Variants in VPS13C observed in about 807,000 individuals in gnomAD.
The protein encoded by VPS13C is vacuolar protein sorting 13 homolog C, also known as intermembrane lipid transfer protein VPS13C.
A neutral mutation model predicts 456.8 loss-of-function variants in VPS13C; 358 were observed. The ratio of observed to expected loss-of-function variants is 0.78; its 90% CI spans 0.72 to 0.86. The LOEUF (loss-of-function observed/expected upper bound fraction) is 0.86. Among genes scored for constraint, VPS13C ranks in the 40% least tolerant of loss-of-function variants. The pLI is 0.00. For synonymous variants in VPS13C, 1,578 were observed against 1,486.7 expected (o/e 1.06, Z -1.41); for missense variants, 4,818 against 4,385.4 (o/e 1.10, Z -2.79).
At chr15:61,893,963 C>CAATATGTGAA (rs1176625308) in intron 66 of VPS13C, among the ~76,000 whole-genome samples, 8 of 151,976 alleles carry the variant, frequency 5.3e-5, no homozygotes, top group Admixed American at 5.2e-4. Flanking sequence ...AACCACTTAA[C>CAATATGTGAA]CACTAAGGAA....
intron 37 of VPS13C, among the ~76,000 whole-genome samples, chr15:61,957,653 T>C (rs1314205509): frequency 6.6e-6 from 1 of 152,154 alleles, no homozygotes; most frequent in African/African-American, 2.4e-5. Context: ...AATTAGTCTA[T>C]CGAAATTATT....
chr15:62,008,757 A>G lies in VPS13C; in HGVS notation c.1016T>C (p.Leu339Ser). The change falls in exon 14 of 85, where the codon TTA (leucine) becomes TCA (serine). Residue 339 changes from leucine to serine, a missense_variant. Leu to Ser is a moderately radical substitution (Grantham distance 145). Around this residue, in one of 3 missense-constraint regions of VPS13C, gnomAD observed 4,552 missense variants for 4,130.6 expected, o/e 1.10. Transcript: ENST00000644861. ...TGACTCCAAAAGGTCAATCATACTTAAGTACTGTTAAAACAAAAATAAAAT... is the reference window on the plus strand; with the variant it reads ...TGACTCCAAAAGGTCAATCATACTTGAGTACTGTTAAAACAAAAATAAAAT... ...IAIELTKPQYLSMIDLLESVD... is the reference protein window; with the variant it reads ...IAIELTKPQYSSMIDLLESVD... 1 of 1,561,994 alleles carries G rather than the reference A, an allele frequency of 6.4e-7. No homozygotes were observed. Among genetic ancestry groups the G allele is most frequent in the Non-Finnish European group, 8.7e-7 (1 of 1,150,662 alleles).
At position 62,023,516 on chromosome 15, in the gene VPS13C, C is replaced by T. The variant is rs2047534715; in HGVS notation, c.519G>A (p.Lys173=). Residue 173 remains lysine (K), a synonymous_variant, in exon 8 of 85, where the codon AAG becomes AAA. Coordinates refer to ENST00000644861, the MANE Select transcript of VPS13C (RefSeq NM_020821.3). ...PFKGLDRSKD[K]PKEAKKDTFV... ...ATGTATCCTTTTTGGCTTCTTTTGGCTTATCTATTAAAAAATAGAAAAATA... is the reference window on the plus strand; with the variant it reads ...ATGTATCCTTTTTGGCTTCTTTTGGTTTATCTATTAAAAAATAGAAAAATA... The T allele has an allele frequency of 6.4e-7, 1 of 1,561,798 alleles. No individual in the cohort carries two copies. The highest frequency in any genetic ancestry group is 8.6e-7 in the Non-Finnish European group (1 of 1,160,216).
chr15:62,036,671 G>C (rs2048010360), intron 3 of VPS13C, among the ~76,000 whole-genome samples: 1 of 151,962 alleles, frequency 6.6e-6, no homozygotes, highest in Admixed American at 6.6e-5. Context: ...GACAGAAAAA[G>C]TGGGAAACGT....
chr15:62,057,761 G>GA (rs1315461609), intron 1 of VPS13C, among the ~76,000 whole-genome samples: 4 of 152,158 alleles, frequency 2.6e-5, no homozygotes, highest in African/African-American at 7.2e-5. Flanking sequence ...GACAAAAGGG[G>GA]AAATAACATA....
rs1400266755 is a variant in VPS13C, at chr15:61,945,806, T to C, written c.5057A>G (p.Tyr1686Cys). 4 of 1,613,518 alleles carry C rather than the reference T, an allele frequency of 2.5e-6. No individual in the cohort carries two copies. The African/African-American group carries it at 5.3e-5, about 22-fold the overall frequency. The part of the protein sequence containing the change: ...LYPDATEGEA[Y>C]ADMSKVDGKL... ...GCCGTCTACTTTGGACATATCAGCA[T>C]AGGCCTCTCCTTCTGTGGCATCTGG... Residue 1686 changes from tyrosine (Y) to cysteine (C), a missense_variant, in exon 45 of 85, where the codon TAT (tyrosine) becomes TGT (cysteine). Around this residue, in one of 3 missense-constraint regions of VPS13C, gnomAD observed 4,552 missense variants for 4,130.6 expected, o/e 1.10. Coordinates refer to ENST00000644861, the MANE Select transcript of VPS13C (RefSeq NM_020821.3).
At chr15:62,051,884 A>C (rs2048631588) in intron 1 of VPS13C, among the ~76,000 whole-genome samples, 1 of 152,210 alleles carries the variant, frequency 6.6e-6, no homozygotes, top group South Asian at 2.1e-4. Flanking sequence ...TTTTTCCTCA[A>C]AAGACAGAAA....
chr15:62,007,104 T>C (rs2046876998), intron 15 of VPS13C, among the ~76,000 whole-genome samples: 2 of 152,038 alleles, frequency 1.3e-5, no homozygotes, highest in South Asian at 2.1e-4. Flanking sequence ...CCTTATTTTA[T>C]CTGATATTTG....
rs746928788 is a variant in VPS13C at position 61,942,076 on chromosome 15, A to G, written c.5149-9T>C. The G allele has an allele frequency of 5.8e-6, 9 of 1,553,628 alleles. No homozygotes were observed. Among genetic ancestry groups the G allele is most frequent in the Non-Finnish European group, 7.0e-6 (8 of 1,147,796 alleles). On this transcript the variant is annotated splice_polypyrimidine_tract_variant and intron_variant, in intron 45 of 84. Transcript: ENST00000644861. ...AAATTGTTGAGGAAGTTCTGTTGGAAGAGACAGATATTTAGGGGAAAAAAG... is the reference window on the plus strand; with the variant it reads ...AAATTGTTGAGGAAGTTCTGTTGGAGGAGACAGATATTTAGGGGAAAAAAG...
In VPS13C at chr15:61,972,773, A is replaced by T; in HGVS notation, c.2618-9T>A. On this transcript the variant is annotated splice_polypyrimidine_tract_variant and intron_variant, in intron 26 of 84. Transcript: ENST00000644861. The stretch of plus-strand genomic sequence containing the variant: ...ATACTCATCATCAGACTCTAAAGGA[A>T]AAAGACATTTATTTGATCTGAGACA... The T allele has an allele frequency of 6.2e-7, 1 of 1,603,376 alleles. No homozygotes were observed. The highest frequency in any genetic ancestry group is 1.1e-5 in the South Asian group (1 of 89,826).
In VPS13C at chr15:61,972,818, T is replaced by A. The variant is rs904874625; in HGVS notation, c.2618-54A>T. 29 of 1,475,206 alleles carry A rather than the reference T, an allele frequency of 2.0e-5. No individual in the cohort carries two copies. In the East Asian group the frequency reaches 6.0e-4, roughly 31 times the overall value. 91.4% of individuals were successfully genotyped at this position (1,475,206 alleles called of 1,614,324 possible). A position where few individuals can be genotyped will look rare whatever the true frequency, so the allele number is the denominator to read the frequency against. On this transcript the variant is annotated intron_variant, in intron 26 of 84. Coordinates refer to ENST00000644861, the MANE Select transcript of VPS13C (RefSeq NM_020821.3). ...GAGACAATGTACATTGAAAACTGCA[T>A]GAAACACTCAAATCTAAATCTCTAA... is the stretch of plus-strand genomic sequence containing the variant.
intron 49 of VPS13C, among the ~76,000 whole-genome samples, chr15:61,932,980 C>G (rs1397593335): frequency 6.6e-6 from 1 of 151,770 alleles, no homozygotes; most frequent in African/African-American, 2.4e-5. Context: ...ACATGACATT[C>G]ATTTAGGAAA....
intron 1 of VPS13C, among the ~76,000 whole-genome samples, chr15:62,052,453 A>G (rs1022212490): frequency 6.6e-6 from 1 of 152,094 alleles, no homozygotes; most frequent in Admixed American, 6.5e-5. Flanking sequence ...AGGCAGGTGG[A>G]TCACAAGGTC....
At chr15:61,897,861 G>A (rs1054669376) in intron 66 of VPS13C, among the ~76,000 whole-genome samples, 8 of 152,076 alleles carry the variant, frequency 5.3e-5, no homozygotes, top group Non-Finnish European at 1.2e-4. Context: ...AGAAAGGTCG[G>A]GTTACCCACA....
chr15:61,860,731 C>T (rs1217081272), intron 82 of VPS13C, among the ~76,000 whole-genome samples: 1 of 151,870 alleles, frequency 6.6e-6, no homozygotes, highest in Non-Finnish European at 1.5e-5. Context: ...TTTTTTTGTA[C>T]ATAGTTTTCG....
At chr15:62,049,186 T>C (rs1176345232) in intron 1 of VPS13C, among the ~76,000 whole-genome samples, 2 of 152,250 alleles carry the variant, frequency 1.3e-5, no homozygotes, top group Non-Finnish European at 2.9e-5. Flanking sequence ...CCCATGCCTA[T>C]GTCCTGAATG....
Position 61,910,214 on chromosome 15 carries a change from C to A in VPS13C, c.8807G>T (p.Arg2936Leu), listed in dbSNP as rs752129229. The part of the protein sequence containing the change: ...EGSSKPFFYN[R>L]QDNGTLLSLE... ...GCTCAATAAAGTGCCATTATCCTGT[C>A]GGTTATAAAAGAATGGTTTGGAAGA... The change falls in exon 64 of 85, where the codon CGA (arginine) becomes CTA (leucine). Residue 2936 changes from arginine (R) to leucine (L), a missense_variant. Physicochemically the swap from Arg to Leu is moderately radical, Grantham distance 102. Around this residue, in one of 3 missense-constraint regions of VPS13C, gnomAD observed 4,552 missense variants for 4,130.6 expected, o/e 1.10. Transcript: ENST00000644861. The A allele has an allele frequency of 6.7e-7, 1 of 1,485,588 alleles. No homozygotes were observed. The highest frequency in any genetic ancestry group is 1.5e-5 in the South Asian group (1 of 68,512). The allele number at this position is 1,485,588 out of a possible 1,614,324, so 92.0% of individuals were successfully genotyped here.
chr15:62,046,704 C>T (rs1323001847), intron 1 of VPS13C, among the ~76,000 whole-genome samples: 1 of 152,170 alleles, frequency 6.6e-6, no homozygotes, highest in African/African-American at 2.4e-5. Flanking sequence ...TGTTAAGGCA[C>T]TACCATAATG....
intron 1 of VPS13C, among the ~76,000 whole-genome samples, chr15:62,048,883 T>G (rs1008390251): frequency 2.0e-5 from 3 of 152,228 alleles, no homozygotes; most frequent in Non-Finnish European, 2.9e-5. Context: ...CATGTGTCTT[T>G]GGCTGCATAA....
Sources: gnomAD v4.1 joint callset for allele counts (sites outside exome capture counted in the v4.1 genomes callset) on GRCh38, gnomAD v4.1.1 for gene constraint, gnomAD v4.1.1 regional missense constraint, MANE v1.5 for transcripts, NCBI Gene and HGNC (gene_info 2026-07-23, HGNC 2026-07-21) for gene names.